PDE4B: variants seen among roughly 807,000 people sequenced by gnomAD.
PDE4B encodes phosphodiesterase 4B.
Under a neutral mutation model 82.2 loss-of-function variants are expected in PDE4B, and 20 were observed. The observed-to-expected ratio is 0.24, with a 90% confidence interval of 0.17 to 0.35. The LOEUF is 0.35. PDE4B is among the 10% of genes least tolerant of loss of function. PDE4B has a pLI of 1.00. For synonymous variants in PDE4B, 320 were observed against 318.9 expected, an observed-to-expected ratio of 1.00 and a Z score of -0.04; for missense variants, 655 against 907.2, an observed-to-expected ratio of 0.72 and a Z score of 3.57.
chr1:66,134,203 A>G (rs988246180), intron 3 of PDE4B, among the ~76,000 whole-genome samples: 2 of 152,250 alleles, frequency 1.3e-5, no homozygotes, highest in Non-Finnish European at 2.9e-5. Flanking sequence ...TGATTCAGCC[A>G]GAGAAACAAT....
chr1:66,087,597 A>G (rs1221643348), intron 3 of PDE4B, among the ~76,000 whole-genome samples: 5 of 152,020 alleles, frequency 3.3e-5, no homozygotes, highest in African/African-American at 4.8e-5. Context: ...GGTAATGCCT[A>G]GGTTTTCTTC....
At chr1:66,227,958 A>G (rs920090032) in intron 3 of PDE4B, among the ~76,000 whole-genome samples, 6 of 152,156 alleles carry the variant, frequency 3.9e-5, no homozygotes, top group Non-Finnish European at 8.8e-5. Flanking sequence ...TTTCTCACAC[A>G]TGCTTTATGA....
rs1570584894 is a variant in PDE4B, at chr1:66,265,402, G to A, written c.585-636G>A. ...GAAAAGAAACAAGAAAAAAGGAGGA[G>A]CCCCAGTACTATGGGAACATGGGTT... On this transcript the variant is annotated intron_variant, in intron 6 of 16. Transcript: ENST00000341517. 2.6e-5 allele frequency among the ~76,000 whole-genome samples: 4 copies of A among 152,202 alleles called. No individual in the cohort carries two copies. In the South Asian group the frequency reaches 8.3e-4, roughly 32 times the overall value.
intron 4 of PDE4B, among the ~76,000 whole-genome samples, chr1:66,257,185 A>G (rs944811949): frequency 3.3e-5 from 5 of 152,206 alleles, no homozygotes; most frequent in Admixed American, 6.5e-5. Context: ...CTGTGTTTAA[A>G]TGGCATTAAA....
At chr1:65,830,715 A>G (rs1294759558) in intron 1 of PDE4B, among the ~76,000 whole-genome samples, 1 of 152,184 alleles carries the variant, frequency 6.6e-6, no homozygotes, top group African/African-American at 2.4e-5. Context: ...GAGCATGGTA[A>G]GGAGACATGA....
intron 16 of PDE4B, among the ~76,000 whole-genome samples, chr1:66,370,347 A>T (rs1570798658): frequency 6.6e-6 from 1 of 152,156 alleles, no homozygotes; most frequent in East Asian, 1.9e-4. Flanking sequence ...TTATGTTTAT[A>T]TGATGTTCTG....
chr1:66,036,990 C>T (rs183481324), intron 3 of PDE4B, among the ~76,000 whole-genome samples: 145 of 151,746 alleles, frequency 9.6e-4, no homozygotes, highest in African/African-American at 3.3e-3. Context: ...AAAAGTTCGC[C>T]GGGTATGGTG....
At chr1:65,959,556 A>AGTAT (rs1649439457) in intron 3 of PDE4B, among the ~76,000 whole-genome samples, 1 of 151,962 alleles carries the variant, frequency 6.6e-6, no homozygotes, top group Non-Finnish European at 1.5e-5. Context: ...ATTAATATTA[A>AGTAT]GTACCATTAC....
At chr1:66,150,693 G>T (rs1646374795) in intron 3 of PDE4B, among the ~76,000 whole-genome samples, 1 of 152,152 alleles carries the variant, frequency 6.6e-6, no homozygotes, top group Non-Finnish European at 1.5e-5. Flanking sequence ...TCTTTCATCG[G>T]ATTGCAGAAA....
chr1:66,306,256 A>G (rs1003724045), intron 7 of PDE4B, among the ~76,000 whole-genome samples: 1 of 152,134 alleles, frequency 6.6e-6, no homozygotes, highest in Admixed American at 6.6e-5. Flanking sequence ...TTTATTTGAT[A>G]CCTTTGAAAA....
chr1:66,023,300 T>C (rs1429344393), intron 3 of PDE4B, among the ~76,000 whole-genome samples: 1 of 152,186 alleles, frequency 6.6e-6, no homozygotes, highest in Non-Finnish European at 1.5e-5. Flanking sequence ...TCACACCAGA[T>C]CTTAGGCAAT....
intron 3 of PDE4B, among the ~76,000 whole-genome samples, chr1:66,172,683 G>T (rs1160082372): frequency 3.9e-5 from 6 of 152,162 alleles, no homozygotes; most frequent in Middle Eastern, 3.4e-3. Flanking sequence ...GTTTTTGTTT[G>T]CATTTTTCTG....
At chr1:66,320,655 CT>C (rs1303076694) in intron 7 of PDE4B, among the ~76,000 whole-genome samples, 6 of 152,126 alleles carry the variant, frequency 3.9e-5, no homozygotes, top group African/African-American at 9.7e-5. Flanking sequence ...TTCTGAGCTT[CT>C]ACTAGGTAAT....
chr1:65,944,044 G>A (rs550142571), intron 3 of PDE4B, among the ~76,000 whole-genome samples: 1 of 152,112 alleles, frequency 6.6e-6, no homozygotes, highest in East Asian at 1.9e-4. Context: ...AGTGGTGAGA[G>A]TGGGCATCAT....
At chr1:66,080,514 T>C (rs1168743781) in intron 3 of PDE4B, among the ~76,000 whole-genome samples, 2 of 152,114 alleles carry the variant, frequency 1.3e-5, no homozygotes, top group African/African-American at 2.4e-5. Flanking sequence ...AAGGTTTTAC[T>C]GTTTGGATGT....
chr1:65,807,445 T>C (rs908137036), intron 1 of PDE4B, among the ~76,000 whole-genome samples: 10 of 152,234 alleles, frequency 6.6e-5, no homozygotes, highest in Non-Finnish European at 1.5e-4. Flanking sequence ...TTTTAATTAT[T>C]GGAATTTACC....
intron 3 of PDE4B, among the ~76,000 whole-genome samples, chr1:66,162,272 T>C (rs147151463): frequency 8.9e-4 from 132 of 147,560 alleles, no homozygotes; most frequent in African/African-American, 3.1e-3. Flanking sequence ...TGTGATTTCA[T>C]AGGCCCTTTG....
intron 3 of PDE4B, among the ~76,000 whole-genome samples, chr1:66,139,769 A>G (rs914371168): frequency 6.0e-5 from 9 of 151,138 alleles, no homozygotes; most frequent in East Asian, 5.8e-4. Context: ...ACAACAACCA[A>G]TGGGCCAAAC....
At chr1:66,359,231 A>G (rs774646799) in intron 9 of PDE4B, among the ~76,000 whole-genome samples, 8 of 152,250 alleles carry the variant, frequency 5.3e-5, no homozygotes, top group Non-Finnish European at 1.0e-4. Flanking sequence ...TGCATAATTG[A>G]AAAGTGTGAT....
Sources: allele counts gnomAD v4.1 joint callset (sites outside exome capture counted in the v4.1 genomes callset), GRCh38; gene constraint gnomAD v4.1.1; transcripts MANE v1.5; gene names NCBI Gene and HGNC (gene_info 2026-07-23, HGNC 2026-07-21).